FRYL: variants seen among roughly 807,000 people sequenced by gnomAD.
The protein encoded by FRYL is protein furry homolog-like.
A neutral mutation model predicts 351.2 loss-of-function variants in FRYL; 150 were observed. The ratio of observed to expected loss-of-function variants is 0.43; its 90% CI spans 0.37 to 0.49. The LOEUF (loss-of-function observed/expected upper bound fraction) is 0.49. Among genes scored for constraint, FRYL ranks in the 20% least tolerant of loss-of-function variants. FRYL has a pLI of 0.00. For synonymous variants in FRYL, 1,153 were observed against 1,257.1 expected (o/e 0.92, Z 1.75); for missense variants, 3,036 against 3,619.3 (o/e 0.84, Z 4.13).
At chr4:48,665,555 C>T (rs1438057762) in intron 3 of FRYL, among the ~76,000 whole-genome samples, 2 of 152,096 alleles carry the variant, frequency 1.3e-5, no homozygotes, top group Non-Finnish European at 2.9e-5. Context: ...ATTTTATTGT[C>T]TTGAAGCTGG....
chr4:48,765,841 G>A (rs2109391584), intron 1 of FRYL, among the ~76,000 whole-genome samples: 1 of 152,170 alleles, frequency 6.6e-6, no homozygotes, highest in African/African-American at 2.4e-5. Flanking sequence ...GTACAGAATA[G>A]GTATTTTTCC....
At chr4:48,584,330 G>T (rs746533260) in intron 19 of FRYL, among the ~76,000 whole-genome samples, 1 of 152,174 alleles carries the variant, frequency 6.6e-6, no homozygotes. Flanking sequence ...AAGTTGTGTG[G>T]TTTAGGAGAA....
At chr4:48,623,093 G>A in intron 5 of FRYL, 33 bp downstream of exon 5, 1 of 1,457,714 alleles carries the variant, frequency 6.9e-7, no homozygotes, top group Non-Finnish European at 9.4e-7. Context: ...ACTATTTCCA[G>A]GGGAAAAAAA....
chr4:48,570,952 C>T (rs1468864283), intron 26 of FRYL, 34 bp from the exon 27 acceptor site: 2 of 1,512,788 alleles, frequency 1.3e-6, no homozygotes, highest in Admixed American at 3.3e-5. Flanking sequence ...TAATTAAAAT[C>T]CTGCTGGTGT....
chr4:48,696,443 C>T (rs1291644686), intron 2 of FRYL, among the ~76,000 whole-genome samples: 1 of 152,040 alleles, frequency 6.6e-6, no homozygotes, highest in African/African-American at 2.4e-5. Context: ...AACCAAATAC[C>T]GCATGTTCTC....
At position 48,497,391 on chromosome 4, in the gene FRYL, T is replaced by C. The variant is rs1718682990; in HGVS notation, c.*2031A>G. On this transcript the variant is annotated 3_prime_UTR_variant, in exon 64 of 64. Transcript: ENST00000358350. ...GCAGGTATATTCATTTTTATTATAT[T>C]AATAGACTTAGTTACATATAAATAA... 1 of 152,402 alleles carries C rather than the reference T, an allele frequency of 6.6e-6. No homozygotes were observed. Among genetic ancestry groups the C allele is most frequent in the South Asian group, 2.1e-4 (1 of 4,830 alleles). 9.4% of individuals were successfully genotyped at this position (152,402 alleles called of 1,614,324 possible).
At chr4:48,628,735 T>C (rs1431882807) in intron 4 of FRYL, among the ~76,000 whole-genome samples, 6 of 152,090 alleles carry the variant, frequency 3.9e-5, no homozygotes, top group South Asian at 2.1e-4. Context: ...ATATGCTAAT[T>C]AGCCTGGTCT....
chr4:48,702,586 A>G (rs1451381436), intron 2 of FRYL, among the ~76,000 whole-genome samples: 1 of 149,870 alleles, frequency 6.7e-6, no homozygotes. Flanking sequence ...CCATGGTGAA[A>G]CCCCGTCTCT....
intron 1 of FRYL, among the ~76,000 whole-genome samples, chr4:48,750,932 GTATCACTA>G (rs1773192764): frequency 6.6e-6 from 1 of 152,258 alleles, no homozygotes; most frequent in African/African-American, 2.4e-5. Flanking sequence ...CTTCCCTTGT[GTATCACTA>G]TACCTGAACC....
At chr4:48,704,188 A>G (rs1767056762) in intron 2 of FRYL, among the ~76,000 whole-genome samples, 1 of 152,186 alleles carries the variant, frequency 6.6e-6, no homozygotes, top group Non-Finnish European at 1.5e-5. Flanking sequence ...AAGACAAGAG[A>G]TTGGTATTTC....
At chr4:48,623,263 T>C (rs1282169171) in intron 4 of FRYL, 84 bp from the exon 5 acceptor site, 1 of 822,026 alleles carries the variant, frequency 1.2e-6, no homozygotes, top group African/African-American at 1.8e-5. Context: ...ATAAACAGTT[T>C]AGATTTGTGC....
chr4:48,748,795 C>T (rs559208772), intron 1 of FRYL, among the ~76,000 whole-genome samples: 3 of 152,106 alleles, frequency 2.0e-5, no homozygotes, highest in Admixed American at 1.3e-4. Flanking sequence ...AAGTAGATTG[C>T]GAAGCTATCA....
intron 4 of FRYL, among the ~76,000 whole-genome samples, chr4:48,632,098 A>ATT (rs1560753509): frequency 4.6e-5 from 1 of 21,508 alleles, no homozygotes; most frequent in South Asian, 2.1e-3. Flanking sequence ...AAAAATATAT[A>ATT]TATATATATA....
chr4:48,731,314 G>A (rs1351732999), intron 1 of FRYL, among the ~76,000 whole-genome samples: 2 of 152,128 alleles, frequency 1.3e-5, no homozygotes, highest in Non-Finnish European at 2.9e-5. Context: ...AACATTCGAC[G>A]CTCATGGATA....
At chr4:48,699,413 C>T (rs962855954) in intron 2 of FRYL, among the ~76,000 whole-genome samples, 2 of 152,160 alleles carry the variant, frequency 1.3e-5, no homozygotes, top group African/African-American at 2.4e-5. Context: ...CTGTGACCAA[C>T]AAATCACAGA....
chr4:48,758,342 G>A (rs1774025271), intron 1 of FRYL, among the ~76,000 whole-genome samples: 1 of 152,104 alleles, frequency 6.6e-6, no homozygotes, highest in Non-Finnish European at 1.5e-5. Flanking sequence ...GTGACAAAGG[G>A]CTAATATCCA....
intron 18 of FRYL, among the ~76,000 whole-genome samples, chr4:48,586,974 A>C (rs1742227478): frequency 1.3e-5 from 2 of 152,150 alleles, no homozygotes; most frequent in Middle Eastern, 3.4e-3. Context: ...AAGCATTACA[A>C]CCATTATTAC....
At chr4:48,756,413 T>C (rs1246410188) in intron 1 of FRYL, among the ~76,000 whole-genome samples, 2 of 152,148 alleles carry the variant, frequency 1.3e-5, no homozygotes, top group African/African-American at 4.8e-5. Flanking sequence ...AAATGACCTC[T>C]ATTTTGCCCT....
In FRYL at chr4:48,570,331, T is replaced by C. The variant is rs141917756; in HGVS notation, c.2996+496A>G. Among the ~76,000 whole-genome samples the C allele has an allele frequency of 3.3e-5, 5 of 152,360 alleles. No homozygotes were observed. In the East Asian group the frequency reaches 9.6e-4, roughly 29 times the overall value. On this transcript the variant is annotated intron_variant, in intron 27 of 63. Transcript: ENST00000358350. ...CAGGTTTCATGGTTTTATCTGTGAA[T>C]GGTGGAAAACAGTTATGAATTATAT... is the stretch of plus-strand genomic sequence containing the variant.
Sources: gnomAD v4.1 joint callset for allele counts (sites outside exome capture counted in the v4.1 genomes callset) on GRCh38, gnomAD v4.1.1 for gene constraint, MANE v1.5 for transcripts, NCBI Gene and HGNC (gene_info 2026-07-23, HGNC 2026-07-21) for gene names.